VPS13B: variants seen among roughly 807,000 people sequenced by gnomAD.
VPS13B encodes intermembrane lipid transfer protein VPS13B.
Under a neutral mutation model 426.4 loss-of-function variants are expected in VPS13B, and 285 were observed. The ratio of observed to expected loss-of-function variants is 0.67; its 90% CI spans 0.61 to 0.74. The LOEUF (loss-of-function observed/expected upper bound fraction) is 0.74, where lower values mean the gene tolerates loss of function less well. VPS13B is among the 30% of genes least tolerant of loss of function. The pLI is 0.00. For missense variants in VPS13B, 4,537 were observed against 4,782.6 expected (o/e 0.95, Z 1.51); for synonymous variants, 1,676 against 1,676.4 (o/e 1.00, Z 0.01).
intron 44 of VPS13B, 64 bp from the exon 45 acceptor site, chr8:99,817,476 A>G (rs1424122802): frequency 1.2e-5 from 19 of 1,582,776 alleles, no homozygotes; most frequent in Non-Finnish European, 1.6e-5. Flanking sequence ...TGTTTGAATG[A>G]TAACATATTT....
chr8:99,373,168 G>A (rs1017528259), intron 19 of VPS13B, among the ~76,000 whole-genome samples: 4 of 152,024 alleles, frequency 2.6e-5, no homozygotes, highest in African/African-American at 9.7e-5. Flanking sequence ...GTTGGGAGGT[G>A]GGGGGCAATG....
chr8:99,024,614 T>C (rs1027960469), intron 2 of VPS13B, among the ~76,000 whole-genome samples: 2 of 152,196 alleles, frequency 1.3e-5, no homozygotes, highest in African/African-American at 4.8e-5. Flanking sequence ...TGGCCATAAA[T>C]ATGTGGGTTT....
chr8:99,411,383 T>C (rs1342563649), intron 21 of VPS13B, among the ~76,000 whole-genome samples: 1 of 152,236 alleles, frequency 6.6e-6, no homozygotes, highest in African/African-American at 2.4e-5. Context: ...TCTGTTCATA[T>C]CCTTTGCCCA....
rs921632501 is a variant in VPS13B at position 99,321,529 on chromosome 8, C to T, written c.2824+46275C>T. On this transcript the variant is annotated intron_variant, in intron 19 of 61. Coordinates refer to ENST00000357162, the MANE Select transcript of VPS13B (RefSeq NM_152564.5). ...GGCCTATTCCAAATTTTCGAATGTG[C>T]GTAAATAATTAATATAGATGACTAT... is the stretch of plus-strand genomic sequence containing the variant. Among the ~76,000 whole-genome samples the T allele has an allele frequency of 1.7e-4, 26 of 151,998 alleles. 1 individual carries two copies. The highest frequency in any genetic ancestry group is 1.4e-3 in the Admixed American group (21 of 15,264).
chr8:99,621,791 T>C (rs1828358724), intron 33 of VPS13B, among the ~76,000 whole-genome samples: 1 of 151,732 alleles, frequency 6.6e-6, no homozygotes. Flanking sequence ...TTCATTCCTT[T>C]TTTTGTTTGT....
chr8:99,601,399 T>C (rs1361969448), intron 33 of VPS13B, among the ~76,000 whole-genome samples: 2 of 152,232 alleles, frequency 1.3e-5, no homozygotes, highest in Non-Finnish European at 2.9e-5. Context: ...CAGTCTGTCA[T>C]TGATGGGCAT....
chr8:99,712,842 T>A (rs1832758908), intron 36 of VPS13B, among the ~76,000 whole-genome samples: 1 of 151,452 alleles, frequency 6.6e-6, no homozygotes, highest in Admixed American at 6.6e-5. Flanking sequence ...AAGTCTGGAA[T>A]TTTTTTTTCA....
intron 49 of VPS13B, 118 bp from the exon 50 acceptor site, chr8:99,821,176 G>T (rs1043372860): frequency 4.4e-6 from 3 of 679,370 alleles, no homozygotes; most frequent in Admixed American, 5.2e-5. Flanking sequence ...ACCATGGAGG[G>T]ATATTTGGTT....
intron 3 of VPS13B, among the ~76,000 whole-genome samples, chr8:99,061,559 T>G (rs1387126404): frequency 8.7e-6 from 1 of 114,368 alleles, no homozygotes; most frequent in Non-Finnish European, 1.8e-5. Context: ...TTTGTTCCTT[T>G]TTTTCTTTTC....
intron 34 of VPS13B, among the ~76,000 whole-genome samples, chr8:99,648,142 C>T (rs191577356): frequency 4.6e-5 from 7 of 152,298 alleles, no homozygotes; most frequent in South Asian, 2.1e-4. Context: ...TTCATTCATT[C>T]GCTGAATGTG....
chr8:99,468,476 ATAT>A lies in VPS13B; in HGVS notation c.3666+847_3666+849del, dbSNP rs570016891. Reference sequence around the variant, plus strand: ...AAAAGAAATATTAAAAAAAATTTAAATATTATTTTTTAAAAACATTATTTGTTA... The same window carrying A: ...AAAAGAAATATTAAAAAAAATTTAAATATTTTTTAAAAACATTATTTGTTA... On this transcript the variant is annotated intron_variant, in intron 24 of 61. Coordinates refer to ENST00000357162, the MANE Select transcript of VPS13B (RefSeq NM_152564.5). 2.9e-3 allele frequency among the ~76,000 whole-genome samples: 433 copies of A among 151,838 alleles called. 3 individuals are homozygous for A. The highest frequency in any genetic ancestry group is 1.0e-2 in the African/African-American group (414 of 41,504).
chr8:99,014,370 A>G (rs1204145184), intron 2 of VPS13B, among the ~76,000 whole-genome samples: 1 of 151,848 alleles, frequency 6.6e-6, no homozygotes, highest in East Asian at 1.9e-4. Flanking sequence ...CGCCCGCCTC[A>G]GTCTTCCGAA....
At chr8:99,383,339 C>G (rs1161170684) in intron 19 of VPS13B, among the ~76,000 whole-genome samples, 4 of 151,932 alleles carry the variant, frequency 2.6e-5, no homozygotes, top group Non-Finnish European at 5.9e-5. Context: ...AATCATGAAT[C>G]AATTTTTTAA....
intron 37 of VPS13B, among the ~76,000 whole-genome samples, chr8:99,718,845 GAC>G (rs1833023108): frequency 6.6e-6 from 1 of 151,652 alleles, no homozygotes; most frequent in South Asian, 2.1e-4. Flanking sequence ...TTTTTTAAGA[GAC>G]AGGTTCTCAC....
At chr8:99,605,495 C>T (rs2133865142) in intron 33 of VPS13B, among the ~76,000 whole-genome samples, 1 of 152,292 alleles carries the variant, frequency 6.6e-6, no homozygotes, top group African/African-American at 2.4e-5. Flanking sequence ...GTTTCTCCTG[C>T]TTAATTTATC....
chr8:99,204,874 T>C (rs1814596445), intron 17 of VPS13B, among the ~76,000 whole-genome samples: 1 of 152,136 alleles, frequency 6.6e-6, no homozygotes, highest in South Asian at 2.1e-4. Context: ...GGAGAGGATG[T>C]GGAGAAATAG....
chr8:99,696,865 C>T, intron 35 of VPS13B: 1 of 857,394 alleles, frequency 1.2e-6, no homozygotes, highest in East Asian at 2.4e-5. Flanking sequence ...AGCTGCAGTC[C>T]ATCGGCATCA....
chr8:99,068,131 C>CTTCCT (rs1397277686), intron 3 of VPS13B, among the ~76,000 whole-genome samples: 1 of 152,158 alleles, frequency 6.6e-6, no homozygotes, highest in Non-Finnish European at 1.5e-5. Flanking sequence ...CTTACAGATA[C>CTTCCT]TTCCTTTCCT....
At chr8:99,133,364 A>G (rs1005252132) in intron 8 of VPS13B, among the ~76,000 whole-genome samples, 2 of 152,254 alleles carry the variant, frequency 1.3e-5, no homozygotes, top group Non-Finnish European at 2.9e-5. Context: ...CCTTGGCTTA[A>G]GGGAGTGTTG....
Sources: allele counts gnomAD v4.1 joint callset (sites outside exome capture counted in the v4.1 genomes callset), GRCh38; gene constraint gnomAD v4.1.1; transcripts MANE v1.5; gene names NCBI Gene and HGNC (gene_info 2026-07-23, HGNC 2026-07-21).